IL4R: variants seen among roughly 807,000 people sequenced by gnomAD.
The protein encoded by IL4R is interleukin-4 receptor subunit alpha.
A neutral mutation model predicts 41.5 loss-of-function variants in IL4R; 17 were observed. The observed-to-expected ratio is 0.41, with a 90% confidence interval of 0.28 to 0.61. The LOEUF (loss-of-function observed/expected upper bound fraction) is 0.61. Ranked by LOEUF, IL4R falls within the 20% of genes least tolerant of loss-of-function variation. IL4R has a pLI of 0.31. For missense variants in IL4R, 974 were observed against 1,043.1 expected (o/e 0.93, Z 0.91); for synonymous variants, 402 against 422.9 (o/e 0.95, Z 0.61).
chr16:27,341,164 C>T (rs2085428788), intron 3 of IL4R: 1 of 694,514 alleles, frequency 1.4e-6, no homozygotes. Flanking sequence ...GCTCCGGATC[C>T]CTCTGGGAGG....
chr16:27,321,511 A>G (rs1322873342), intron 1 of IL4R, among the ~76,000 whole-genome samples: 1 of 152,216 alleles, frequency 6.6e-6, no homozygotes, highest in South Asian at 2.1e-4. Context: ...ACTTCTGTTG[A>G]TGCAACCTGG....
In IL4R at chr16:27,362,293, T is replaced by A; in HGVS notation, c.941T>A (p.Leu314Gln). ...NCLTKLLPCF[L>Q]EHNMKRDEDP... ...CTTACCAAGCTCTTGCCCTGTTTTC[T>A]GGAGCACAACATGAAAAGGGATGAA... Residue 314 changes from leucine (L) to glutamine (Q), a missense_variant, in exon 11 of 11, where the codon CTG (leucine) becomes CAG (glutamine). This residue lies in a region of IL4R where 682 missense variants were observed against 704.3 expected (regional missense o/e 0.97). Transcript: ENST00000395762. 6.2e-7 allele frequency: 1 copy of A among 1,614,198 alleles called. No homozygotes were observed. The highest frequency in any genetic ancestry group is 8.5e-7 in the Non-Finnish European group (1 of 1,180,024).
At chr16:27,321,296 A>G (rs1596748654) in intron 1 of IL4R, among the ~76,000 whole-genome samples, 1 of 152,062 alleles carries the variant, frequency 6.6e-6, no homozygotes, top group Non-Finnish European at 1.5e-5. Context: ...TGCCTCTTGG[A>G]GGTAGTGACC....
intron 8 of IL4R, among the ~76,000 whole-genome samples, chr16:27,356,847 A>G (rs1164123722): frequency 2.0e-5 from 3 of 152,162 alleles, no homozygotes; most frequent in Admixed American, 1.3e-4. Context: ...TGGTGAGAAC[A>G]TATTTCATCA....
chr16:27,319,736 T>C (rs2084756094), intron 1 of IL4R, among the ~76,000 whole-genome samples: 1 of 152,112 alleles, frequency 6.6e-6, no homozygotes, highest in African/African-American at 2.4e-5. Flanking sequence ...TTTATCTGTA[T>C]TTACAGCTGC....
chr16:27,353,567 G>A (rs976691033), intron 7 of IL4R, among the ~76,000 whole-genome samples: 2 of 152,200 alleles, frequency 1.3e-5, no homozygotes, highest in Non-Finnish European at 2.9e-5. Context: ...GAGAATAGCT[G>A]TGAGTTTTGT....
At chr16:27,352,492 G>T in intron 6 of IL4R, 48 bp from the exon 7 acceptor site, 1 of 1,567,236 alleles carries the variant, frequency 6.4e-7, no homozygotes, top group African/African-American at 1.3e-5. Context: ...GGGCACTGGT[G>T]CCCCTCGCCC....
At chr16:27,330,727 C>G (rs1331409054) in intron 2 of IL4R, among the ~76,000 whole-genome samples, 1 of 152,154 alleles carries the variant, frequency 6.6e-6, no homozygotes, top group Non-Finnish European at 1.5e-5. Context: ...CCCTCAGCCC[C>G]TGGCACCCAC....
intron 2 of IL4R, among the ~76,000 whole-genome samples, chr16:27,337,967 T>G (rs1212607015): frequency 6.6e-6 from 1 of 150,668 alleles, no homozygotes; most frequent in Non-Finnish European, 1.5e-5. Flanking sequence ...TCCTTTTTTT[T>G]TTTTTTTGAG....
At chr16:27,348,500 C>G (rs2085744320) in intron 6 of IL4R, among the ~76,000 whole-genome samples, 1 of 152,254 alleles carries the variant, frequency 6.6e-6, no homozygotes, top group South Asian at 2.1e-4. Flanking sequence ...GCTCTGCGCC[C>G]TGCTTTATTC....
At position 27,360,790 on chromosome 16, in the gene IL4R, C is replaced by G; in HGVS notation, c.874C>G (p.Arg292Gly). The G allele has an allele frequency of 6.2e-7, 1 of 1,614,136 alleles. No homozygotes were observed. Among genetic ancestry groups the G allele is most frequent in the Non-Finnish European group, 8.5e-7 (1 of 1,180,022 alleles). ...AQGSQWEKRS[R>G]GQEPAKCPHW... ...GGGGTCACAGTGGGAGAAGCGGTCCCGAGGCCAGGAACCAGCCAAGTGCCC... is the reference window on the plus strand; with the variant it reads ...GGGGTCACAGTGGGAGAAGCGGTCCGGAGGCCAGGAACCAGCCAAGTGCCC... The change falls in exon 10 of 11, where the codon CGA becomes GGA. Residue 292 changes from arginine to glycine, a missense_variant. Physicochemically the swap from Arg to Gly is moderately radical, Grantham distance 125. Coordinates refer to ENST00000395762, the MANE Select transcript of IL4R (RefSeq NM_000418.4).
At chr16:27,346,316 G>T in intron 5 of IL4R, 151 bp from the exon 6 acceptor site, 1 of 627,836 alleles carries the variant, frequency 1.6e-6, no homozygotes, top group East Asian at 2.7e-5. Context: ...CTTTGCTATG[G>T]CTCTGAATCT....
chr16:27,359,407 T>G (rs2086204630), intron 9 of IL4R, among the ~76,000 whole-genome samples: 3 of 152,156 alleles, frequency 2.0e-5, no homozygotes, highest in South Asian at 4.1e-4. Context: ...AGCAAATCCC[T>G]TCCGGGTTCT....
intron 7 of IL4R, chr16:27,355,548 C>T (rs3024635): frequency 0.017 from 7,276 of 431,266 alleles, 413 homozygotes; most frequent in African/African-American, 0.12. Context: ...TCTGTGCTTC[C>T]GGAAAGAAAG....
At position 27,352,704 on chromosome 16, in the gene IL4R, T is replaced by C; in HGVS notation, c.670+8T>C. ...GCACCAAGTGGCACAACTGTGAGTATCAAGAGGCCTAAGCAATGGTAATCT... is the reference window on the plus strand; with the variant it reads ...GCACCAAGTGGCACAACTGTGAGTACCAAGAGGCCTAAGCAATGGTAATCT... On this transcript the variant is annotated splice_region_variant and intron_variant, in intron 7 of 10. Transcript: ENST00000395762. 6.2e-7 allele frequency: 1 copy of C among 1,613,676 alleles called. No homozygotes were observed. The highest frequency in any genetic ancestry group is 1.1e-5 in the South Asian group (1 of 91,058).
intron 2 of IL4R, among the ~76,000 whole-genome samples, chr16:27,336,663 G>A (rs1275148693): frequency 4.8e-5 from 6 of 125,968 alleles, no homozygotes; most frequent in African/African-American, 1.2e-4. Flanking sequence ...GGGTAACAGA[G>A]TAAACTCTGT....
In IL4R at chr16:27,345,374, C is replaced by A. The variant is rs781563333; in HGVS notation, c.361+354C>A. On this transcript the variant is annotated intron_variant, in intron 5 of 10. Transcript: ENST00000395762. The surrounding 1 kb of genome is among the most constrained non-coding windows in gnomAD (Gnocchi z 4.5). ...CTTCCATTCTGTGTCCACTGGTCAGCTGCTGCGGCTTTGGATGGTCTTGAC... is the reference window on the plus strand; with the variant it reads ...CTTCCATTCTGTGTCCACTGGTCAGATGCTGCGGCTTTGGATGGTCTTGAC... 2 of 392,188 alleles carry A rather than the reference C, an allele frequency of 5.1e-6. No homozygotes were observed. Among genetic ancestry groups the A allele is most frequent in the East Asian group, 1.3e-4 (2 of 15,386 alleles). 24.3% of individuals were successfully genotyped at this position (392,188 alleles called of 1,614,324 possible). A position where few individuals can be genotyped will look rare whatever the true frequency, so the allele number is the denominator to read the frequency against.
At chr16:27,336,011 A>G (rs147602404) in intron 2 of IL4R, among the ~76,000 whole-genome samples, 232 of 152,214 alleles carry the variant, frequency 1.5e-3, no homozygotes, top group African/African-American at 5.2e-3. Flanking sequence ...GTATTGGGGT[A>G]ATTTATTCAT....
intron 1 of IL4R, among the ~76,000 whole-genome samples, chr16:27,328,276 C>T (rs1409046712): frequency 1.4e-5 from 2 of 142,814 alleles, no homozygotes; most frequent in African/African-American, 5.1e-5. Flanking sequence ...CAGAACTTTG[C>T]TCTATTGCCC....
Sources: gnomAD v4.1 joint callset for allele counts (sites outside exome capture counted in the v4.1 genomes callset) on GRCh38, gnomAD v4.1.1 for gene constraint, gnomAD v4.1.1 regional missense constraint, Gnocchi (gnomAD v3.1) non-coding constraint, MANE v1.5 for transcripts, NCBI Gene and HGNC (gene_info 2026-07-23, HGNC 2026-07-21) for gene names.